SACS: variants seen among roughly 807,000 people sequenced by gnomAD.
SACS encodes the protein sacsin molecular chaperone.
A neutral mutation model predicts 348.0 loss-of-function variants in SACS; 197 were observed. The observed-to-expected ratio is 0.57, with a 90% CI of 0.50 to 0.64. The LOEUF is 0.64. Ranked by LOEUF, SACS falls within the 30% of genes least tolerant of loss-of-function variation. The probability of loss-of-function intolerance (pLI) is 0.00; values close to 1 mark genes in which losing one functional copy is unlikely to be tolerated. For synonymous variants in SACS, 1,985 were observed against 1,910.6 expected, an observed-to-expected ratio of 1.04 and a Z score of -1.02; for missense variants, 4,999 against 5,360.8, an observed-to-expected ratio of 0.93 and a Z score of 2.11.
At chr13:23,402,178 GAAAAA>G (rs34188080) in intron 2 of SACS, among the ~76,000 whole-genome samples, 3 of 103,172 alleles carry the variant, frequency 2.9e-5, no homozygotes, top group African/African-American at 1.1e-4. Context: ...ACTCCATCTC[GAAAAA>G]AAAAAAAAAA....
rs375875022 is a variant in SACS at position 23,355,149 on chromosome 13, G to A, written c.1463C>T (p.Pro488Leu). ...AAGAAACTCATTCCATAAGGCTGCC[G>A]GGTCTCTCCACTGGTCCAGCTCTCT... ...KWRELDQWRD[P>L]AALWNEFLVM... is the part of the protein sequence containing the mutation. Residue 488 changes from proline to leucine, a missense_variant, in exon 8 of 10, where the codon CCG becomes CTG. Pro to Leu is a moderately conservative substitution (Grantham distance 98, BLOSUM62 -3). This residue lies in a region of SACS where 3,156 missense variants were observed against 3,380.1 expected (regional missense o/e 0.93). Coordinates refer to ENST00000382292, the MANE Select transcript of SACS (RefSeq NM_014363.6). 8.4e-5 allele frequency: 136 copies of A among 1,613,996 alleles called. No homozygotes were observed. Among genetic ancestry groups the A allele is most frequent in the Admixed American group, 2.8e-4 (17 of 59,994 alleles).
chr13:23,333,665 A>T lies in SACS; in HGVS notation c.10211T>A (p.Ile3404Lys). 6.2e-7 allele frequency: 1 copy of T among 1,613,846 alleles called. No homozygotes were observed. The highest frequency in any genetic ancestry group is 8.5e-7 in the Non-Finnish European group (1 of 1,179,790). Reference sequence around the variant, plus strand: ...GCACGGAAGTGACTTTAGAATTTTTATATCATCTTGGGACATCAAATGATT... The same window carrying T: ...GCACGGAAGTGACTTTAGAATTTTTTTATCATCTTGGGACATCAAATGATT... The part of the protein sequence containing the change: ...NLNHLMSQDD[I>K]KILKSLPCYK... Residue 3404 changes from isoleucine to lysine, a missense_variant, in exon 10 of 10, where the codon ATA becomes AAA. Around this residue, in one of 6 missense-constraint regions of SACS, gnomAD observed 734 missense variants for 694.0 expected, o/e 1.06. Coordinates refer to ENST00000382292, the MANE Select transcript of SACS (RefSeq NM_014363.6).
rs756621425 is a variant in SACS at position 23,333,863 on chromosome 13, C to G, written c.10013G>C (p.Cys3338Ser). 1.9e-6 allele frequency: 3 copies of G among 1,613,810 alleles called. No individual in the cohort carries two copies. Among genetic ancestry groups the G allele is most frequent in the South Asian group, 1.1e-5 (1 of 91,072 alleles). ...AGGAACAAATGCACTGTCTTTGGAA[C>G]AGATTTTGTTCAAAGCAAGCTGAAT... ...GCIQLALNKI[C>S]SKDSAFVPLL... The change falls in exon 10 of 10, where the codon TGT (cysteine) becomes TCT (serine). Residue 3338 changes from cysteine (C) to serine (S), a missense_variant. By Grantham distance (112) the Cys-to-Ser change is moderately radical (BLOSUM62 -1). This residue lies in a region of SACS where 734 missense variants were observed against 694.0 expected (regional missense o/e 1.06). Transcript: ENST00000382292.
rs115090271 is a variant in SACS, at chr13:23,421,941, G to A, written c.-501-10201C>T. On this transcript the variant is annotated intron_variant, in intron 1 of 9. Coordinates refer to ENST00000382292, the MANE Select transcript of SACS (RefSeq NM_014363.6). ...CAACGGGGGCCCATGTGTCAACTTG[G>A]GAACAGACATGCACCGAGATGCCTG... is the stretch of plus-strand genomic sequence containing the variant. Among the ~76,000 whole-genome samples, 236 of 151,590 alleles carry A rather than the reference G, an allele frequency of 1.6e-3. 1 individual carries two copies. Among genetic ancestry groups the A allele is most frequent in the Middle Eastern group, 0.014 (4 of 292 alleles).
At chr13:23,378,767 G>A (rs1871920341) in intron 2 of SACS, among the ~76,000 whole-genome samples, 1 of 152,168 alleles carries the variant, frequency 6.6e-6, no homozygotes, top group African/African-American at 2.4e-5. Context: ...AGAAAATATG[G>A]AAAGAGAGTG....
chr13:23,383,907 G>T (rs1872168901), intron 2 of SACS, among the ~76,000 whole-genome samples: 1 of 152,130 alleles, frequency 6.6e-6, no homozygotes, highest in East Asian at 1.9e-4. Context: ...CCCAACCCCA[G>T]TGCCTGGCAC....
chr13:23,428,772 A>G (rs1566116242), intron 1 of SACS: 1 of 152,186 alleles, frequency 6.6e-6, no homozygotes, highest in East Asian at 1.9e-4. Flanking sequence ...TTTCTCATCT[A>G]CTTTGCTGAA....
chr13:23,356,777 C>T (rs772715207), intron 7 of SACS, among the ~76,000 whole-genome samples: 6 of 152,188 alleles, frequency 3.9e-5, no homozygotes, highest in South Asian at 4.1e-4. Flanking sequence ...CACATGCTTA[C>T]TTAGCACCTG....
chr13:23,405,221 C>G (rs1249255430), intron 2 of SACS, among the ~76,000 whole-genome samples: 1 of 152,176 alleles, frequency 6.6e-6, no homozygotes, highest in Non-Finnish European at 1.5e-5. Context: ...ATATATAAAC[C>G]AGTGGAACAG....
At chr13:23,419,558 T>C (rs762115101) in intron 1 of SACS, among the ~76,000 whole-genome samples, 2 of 152,170 alleles carry the variant, frequency 1.3e-5, no homozygotes, top group Non-Finnish European at 2.9e-5. Flanking sequence ...CCTTTACTTC[T>C]TGGATTTCTT....
intron 6 of SACS, among the ~76,000 whole-genome samples, chr13:23,358,780 C>A (rs1020555050): frequency 6.6e-6 from 1 of 152,062 alleles, no homozygotes; most frequent in Non-Finnish European, 1.5e-5. Context: ...TACTACTCTA[C>A]GTGAAATTTG....
rs1057517285 is a variant in SACS at position 23,341,652 on chromosome 13, G to A, written c.2224C>T (p.Arg742Ter). The A allele has an allele frequency of 1.9e-6, 3 of 1,613,280 alleles. No individual in the cohort carries two copies. The highest frequency in any genetic ancestry group is 2.2e-5 in the East Asian group (1 of 44,874). ...CTQLQLLNPERFARLIKEVMN... is the reference protein window; with the variant it reads ...CTQLQLLNPE Reference sequence around the variant, plus strand: ...ACTTCCTTGATAAGACGTGCAAATCGTTCTGGATTTAGAAGCTGCAGCTGA... The same window carrying A: ...ACTTCCTTGATAAGACGTGCAAATCATTCTGGATTTAGAAGCTGCAGCTGA... Residue 742 changes from arginine to a stop codon, truncating the protein, a stop_gained, in exon 10 of 10, where the codon CGA becomes TGA. Coordinates refer to ENST00000382292, the MANE Select transcript of SACS (RefSeq NM_014363.6). LOFTEE classifies it high-confidence loss of function.
At chr13:23,341,755 A>C in intron 9 of SACS, 65 bp from the exon 10 acceptor site, 13 of 1,198,580 alleles carry the variant, frequency 1.1e-5, no homozygotes, top group Non-Finnish European at 9.8e-6. Flanking sequence ...TTCTATTCTC[A>C]CAAATAACAC....
chr13:23,408,074 T>C (rs1873312496), intron 2 of SACS, among the ~76,000 whole-genome samples: 1 of 152,130 alleles, frequency 6.6e-6, no homozygotes, highest in Non-Finnish European at 1.5e-5. Context: ...ATCAAAGTAG[T>C]CCTGAGTAAA....
At position 23,329,562 on chromosome 13, in the gene SACS, TCA is replaced by T. The variant is rs1883337046; in HGVS notation, c.*572_*573del. 7.9e-6 allele frequency: 5 copies of T among 634,502 alleles called. No homozygotes were observed. In the South Asian group the frequency reaches 9.8e-5, roughly 12 times the overall value. 39.3% of individuals were successfully genotyped at this position (634,502 alleles called of 1,614,324 possible). A position where few individuals can be genotyped will look rare whatever the true frequency, so the allele number is the denominator to read the frequency against. On this transcript the variant is annotated 3_prime_UTR_variant, in exon 10 of 10. Transcript: ENST00000382292. ...CAGTGCACTCTAAAAAGTACTACCT[TCA>T]CACTCTTAGTCAAGTAATAGGATTA...
chr13:23,338,066 AGCTCCCCACTAGTG>A lies in SACS; in HGVS notation c.5796_5809del (p.Thr1933AsnfsTer13), dbSNP rs2137615608. 2 of 1,613,868 alleles carry A rather than the reference AGCTCCCCACTAGTG, an allele frequency of 1.2e-6. No individual in the cohort carries two copies. The highest frequency in any genetic ancestry group is 1.7e-6 in the Non-Finnish European group (2 of 1,179,868). The stretch of plus-strand genomic sequence containing the variant: ...TACTGCATAGTAAGTATAATCCATT[AGCTCCCCACTAGTG>A]GCCAGGTCCCGTAAGACACTCAGTA... On this transcript the variant is annotated frameshift_variant, in exon 10 of 10. Coordinates refer to ENST00000382292, the MANE Select transcript of SACS (RefSeq NM_014363.6). LOFTEE classifies it high-confidence loss of function.
Position 23,329,727 on chromosome 13 carries a change from C to A in SACS, c.*409G>T. 2.0e-6 allele frequency: 1 copy of A among 499,988 alleles called. No individual in the cohort carries two copies. The highest frequency in any genetic ancestry group is 3.5e-6 in the Non-Finnish European group (1 of 286,570). The allele number at this position is 499,988 out of a possible 1,614,324, so 31.0% of individuals were successfully genotyped here. A position where few individuals can be genotyped will look rare whatever the true frequency, so the allele number is the denominator to read the frequency against. ...ATGACAGACTACAAAGACTTAATTC[C>A]CCTTATGTTTAAACCAATTATATGT... is the stretch of plus-strand genomic sequence containing the variant. On this transcript the variant is annotated 3_prime_UTR_variant, in exon 10 of 10. Coordinates refer to ENST00000382292, the MANE Select transcript of SACS (RefSeq NM_014363.6).
At chr13:23,424,315 C>G (rs765323506) in intron 1 of SACS, among the ~76,000 whole-genome samples, 1 of 152,174 alleles carries the variant, frequency 6.6e-6, no homozygotes, top group Non-Finnish European at 1.5e-5. Flanking sequence ...CACCTGAGGT[C>G]GGGAGTTCGA....
Position 23,368,413 on chromosome 13 carries a change from GTCC to G in SACS, c.331_333del (p.Gly111del), listed in dbSNP as rs1218236399. The G allele has an allele frequency of 6.2e-7, 1 of 1,610,754 alleles. No individual in the cohort carries two copies. The highest frequency in any genetic ancestry group is 1.7e-5 in the Admixed American group (1 of 59,818). On this transcript the variant is annotated inframe_deletion, in exon 5 of 10. Transcript: ENST00000382292. ...GACATGTGCCCCACCTTAAGAATCT[GTCC>G]TCCTTCTGGATATCTTCTCAAAATG...
Sources: allele counts gnomAD v4.1 joint callset (sites outside exome capture counted in the v4.1 genomes callset), GRCh38; gene constraint gnomAD v4.1.1; regional missense constraint gnomAD v4.1.1; transcripts MANE v1.5; gene names NCBI Gene and HGNC (gene_info 2026-07-23, HGNC 2026-07-21).